The following PRRG1 variants were observed in gnomAD, a reference collection of about 807,000 sequenced individuals.
The protein encoded by PRRG1 is proline rich and Gla domain 1, also known as transmembrane gamma-carboxyglutamic acid protein 1.
Under a neutral mutation model 11.8 loss-of-function variants are expected in PRRG1, and 5 were observed. The observed-to-expected ratio is 0.42, with a 90% CI of 0.22 to 0.89. The LOEUF (loss-of-function observed/expected upper bound fraction) is 0.89, where lower values mean the gene tolerates loss of function less well. Among genes scored for constraint, PRRG1 ranks in the 40% least tolerant of loss-of-function variants. The probability of loss-of-function intolerance (pLI) is 0.28; values close to 1 mark genes in which losing one functional copy is unlikely to be tolerated. For synonymous variants in PRRG1, 66 were observed against 60.4 expected, an observed-to-expected ratio of 1.09 and a Z score of -0.43; for missense variants, 155 against 166.1, an observed-to-expected ratio of 0.93 and a Z score of 0.37.
intron 2 of PRRG1, among the ~76,000 whole-genome samples, chrX:37,419,352 T>C (rs917996492): frequency 1.8e-5 from 2 of 111,872 alleles, no homozygotes; most frequent in Non-Finnish European, 3.8e-5. Flanking sequence ...ATATACATTA[T>C]GGCAAAGGGT....
chrX:37,418,421 C>T (rs938180286), intron 2 of PRRG1, among the ~76,000 whole-genome samples: 2 of 111,952 alleles, frequency 1.8e-5, no homozygotes, highest in Admixed American at 9.5e-5. Flanking sequence ...GAAAAGAAAT[C>T]GGCTTCCTTG....
chrX:37,412,401 A>G (rs1460209979), intron 2 of PRRG1, among the ~76,000 whole-genome samples: 2 of 111,864 alleles, frequency 1.8e-5, no homozygotes, highest in African/African-American at 6.5e-5. Context: ...CAAATAGGGA[A>G]TGAACCTTCA....
intron 2 of PRRG1, among the ~76,000 whole-genome samples, chrX:37,411,096 T>G (rs1489597981): frequency 3.6e-5 from 4 of 111,715 alleles, no homozygotes; most frequent in African/African-American, 1.3e-4. Context: ...CAACCAACCA[T>G]GGATCGAAGT....
At chrX:37,379,791 G>C (rs1300074860) in intron 1 of PRRG1, among the ~76,000 whole-genome samples, 1 of 111,704 alleles carries the variant, frequency 9.0e-6, no homozygotes, top group African/African-American at 3.2e-5. Context: ...ACAGTCCAGG[G>C]GATTTGGTAT....
intron 1 of PRRG1, among the ~76,000 whole-genome samples, chrX:37,374,042 T>A (rs1379750809): frequency 8.9e-6 from 1 of 112,231 alleles, no homozygotes; most frequent in Non-Finnish European, 1.9e-5. Flanking sequence ...ATAGTTTTTG[T>A]CTATCATTCT....
At chrX:37,402,015 G>A (rs1428073504) in intron 1 of PRRG1, among the ~76,000 whole-genome samples, 1 of 111,479 alleles carries the variant, frequency 9.0e-6, no homozygotes, top group Non-Finnish European at 1.9e-5. Flanking sequence ...AACATTCCAC[G>A]CTCATGGGTA....
rs782741052 is a variant in PRRG1 at position 37,454,017 on chromosome X, G to A, written c.*396G>A. ...TTACTCACCAAAATTGCAAAACAAGGGTATCAAGAATTTGTGTAATAGCCA... is the reference window on the plus strand; with the variant it reads ...TTACTCACCAAAATTGCAAAACAAGAGTATCAAGAATTTGTGTAATAGCCA... On this transcript the variant is annotated 3_prime_UTR_variant, in exon 4 of 4. Transcript: ENST00000378628. The A allele has an allele frequency of 8.7e-6, 1 of 115,244 alleles. No homozygotes were observed. Among genetic ancestry groups the A allele is most frequent in the African/African-American group, 3.2e-5 (1 of 30,992 alleles). The allele number at this position is 115,244 out of a possible 1,213,427, so 9.5% of individuals were successfully genotyped here.
chrX:37,379,300 A>G (rs1180566760), intron 1 of PRRG1, among the ~76,000 whole-genome samples: 1 of 109,742 alleles, frequency 9.1e-6, no homozygotes, highest in African/African-American at 3.3e-5. Context: ...CATAGTAGAA[A>G]GTGCAATTAT....
chrX:37,405,751 G>A lies in PRRG1; in HGVS notation c.-41-458G>A, dbSNP rs151162939. Among the ~76,000 whole-genome samples the A allele has an allele frequency of 4.7e-3, 521 of 111,558 alleles. 5 individuals are homozygous for A. Among genetic ancestry groups the A allele is most frequent in the African/African-American group, 0.015 (472 of 30,731 alleles). On this transcript the variant is annotated intron_variant, in intron 1 of 3. Coordinates refer to ENST00000378628, the MANE Select transcript of PRRG1 (RefSeq NM_001142395.2). ...ATTAGGGATGCTGTTGTTTTACACC[G>A]TTTGGGAAAATGTTACACTTTAAAG...
At chrX:37,422,623 A>G (rs1292384555) in intron 2 of PRRG1, among the ~76,000 whole-genome samples, 1 of 112,102 alleles carries the variant, frequency 8.9e-6, no homozygotes, top group East Asian at 2.8e-4. Flanking sequence ...ATATCTCTTG[A>G]AAAAGGGTAC....
intron 1 of PRRG1, among the ~76,000 whole-genome samples, chrX:37,363,265 C>T (rs1930469150): frequency 9.0e-6 from 1 of 111,349 alleles, no homozygotes; most frequent in Non-Finnish European, 1.9e-5. Flanking sequence ...TTAGGAGACC[C>T]GTTGCATGAA....
intron 3 of PRRG1, among the ~76,000 whole-genome samples, chrX:37,451,845 G>A (rs1175458818): frequency 8.9e-6 from 1 of 112,092 alleles, no homozygotes; most frequent in African/African-American, 3.2e-5. Flanking sequence ...AGTGGCCATA[G>A]TATTAGTTTG....
At position 37,428,987 on chromosome X, in the gene PRRG1, G is replaced by C. The variant is rs782145492; in HGVS notation, c.171+2987G>C. Among the ~76,000 whole-genome samples the C allele has an allele frequency of 3.6e-5, 4 of 112,580 alleles. No individual in the cohort carries two copies. In the South Asian group the frequency reaches 1.5e-3, roughly 41 times the overall value. On this transcript the variant is annotated intron_variant, in intron 3 of 3. Coordinates refer to ENST00000378628, the MANE Select transcript of PRRG1 (RefSeq NM_001142395.2). ...GGGGCTGGCACCCTCTGAAACCATG[G>C]GCCAAGCTGTACCTTAGCCCCTTTT...
At chrX:37,452,364 G>T (rs1486429895) in intron 3 of PRRG1, among the ~76,000 whole-genome samples, 1 of 111,933 alleles carries the variant, frequency 8.9e-6, no homozygotes, top group African/African-American at 3.2e-5. Context: ...GGAAACTGAG[G>T]CCTAAAGGAG....
intron 1 of PRRG1, among the ~76,000 whole-genome samples, chrX:37,386,330 A>G (rs1332713272): frequency 9.0e-6 from 1 of 111,615 alleles, no homozygotes; most frequent in Non-Finnish European, 1.9e-5. Context: ...CTGTTGAGGT[A>G]TAATTGTCAT....
At chrX:37,390,529 T>C in intron 1 of PRRG1, among the ~76,000 whole-genome samples, 1 of 112,105 alleles carries the variant, frequency 8.9e-6, no homozygotes, top group Admixed American at 9.4e-5. Flanking sequence ...ACTAATGATT[T>C]CATTTATATG....
At chrX:37,402,910 C>A (rs2094256758) in intron 1 of PRRG1, among the ~76,000 whole-genome samples, 1 of 111,957 alleles carries the variant, frequency 8.9e-6, no homozygotes, top group South Asian at 3.7e-4. Flanking sequence ...CAGAGAAATG[C>A]AAATCAAAAC....
intron 3 of PRRG1, among the ~76,000 whole-genome samples, chrX:37,427,052 T>C (rs1242516950): frequency 1.8e-5 from 2 of 111,628 alleles, no homozygotes; most frequent in Non-Finnish European, 3.8e-5. Flanking sequence ...CATAAAGTTT[T>C]TAATAAAAAC....
At chrX:37,403,525 G>T (rs1390648052) in intron 1 of PRRG1, among the ~76,000 whole-genome samples, 125 of 104,238 alleles carry the variant, frequency 1.2e-3, no homozygotes, top group African/African-American at 4.1e-3. Flanking sequence ...ATATACCTAA[G>T]GCTAAATGAC....
Sources: allele counts gnomAD v4.1 joint callset (sites outside exome capture counted in the v4.1 genomes callset), GRCh38; gene constraint gnomAD v4.1.1; transcripts MANE v1.5; gene names NCBI Gene and HGNC (gene_info 2026-07-23, HGNC 2026-07-21).